NEMP2: variants seen among roughly 807,000 people sequenced by gnomAD.
NEMP2 encodes the protein nuclear envelope integral membrane protein 2.
NEMP2 carries 53 observed loss-of-function variants against 54.2 expected under a neutral mutation model. That is an observed-to-expected ratio of 0.98 (90% confidence interval 0.78 to 1.23). The LOEUF is 1.23. Ranked by LOEUF, NEMP2 falls within the 50% of genes most tolerant of loss-of-function variation. The pLI, the probability that NEMP2 is intolerant of heterozygous loss-of-function variation, is 0.00. For synonymous variants in NEMP2, 197 were observed against 190.3 expected, an observed-to-expected ratio of 1.04 and a Z score of -0.29; for missense variants, 455 against 511.3, an observed-to-expected ratio of 0.89 and a Z score of 1.06.
chr2:190,468,797 A>G, the NEMP2 span, among the ~76,000 whole-genome samples: 2 of 152,078 alleles, frequency 1.3e-5, no homozygotes, highest in African/African-American at 2.4e-5. Flanking sequence ...TTAGGAAAAT[A>G]CCACTGATTA....
chr2:190,464,926 G>A, the NEMP2 span: 1 of 983,046 alleles, frequency 1.0e-6, no homozygotes, highest in Non-Finnish European at 1.2e-6. Context: ...GGGGAGGGTG[G>A]ATTTAGCCAT....
downstream of NEMP2, among the ~76,000 whole-genome samples, chr2:190,503,118 A>C (rs996798463): frequency 6.6e-6 from 1 of 152,208 alleles, no homozygotes; most frequent in Non-Finnish European, 1.5e-5. The surrounding 1 kb of genome is among the most constrained non-coding windows in gnomAD (Gnocchi z 6.3). Flanking sequence ...GGATTTCTAG[A>C]TATTCCTAGA....
At chr2:190,593,418 C>T in the NEMP2 span, among the ~76,000 whole-genome samples, 1 of 152,194 alleles carries the variant, frequency 6.6e-6, no homozygotes, top group African/African-American at 2.4e-5. The surrounding 1 kb of genome is among the most constrained non-coding windows in gnomAD (Gnocchi z 4.5). Flanking sequence ...TCTTCTTCAC[C>T]ATGCCCCAGG....
chr2:190,476,619 A>G, the NEMP2 span, among the ~76,000 whole-genome samples: 1 of 152,112 alleles, frequency 6.6e-6, no homozygotes, highest in African/African-American at 2.4e-5. Flanking sequence ...CTGTAAACTA[A>G]TTCAACCATT....
the NEMP2 span, among the ~76,000 whole-genome samples, chr2:190,563,086 C>T: frequency 6.6e-6 from 1 of 152,212 alleles, no homozygotes; most frequent in Admixed American, 6.5e-5. This position sits in a 1 kb window ranked among gnomAD's most constrained non-coding sequence, Gnocchi z 4.3. Context: ...CTTTGCTCTT[C>T]CTCTTCTGAC....
rs1690998561 is a variant in NEMP2 at position 190,527,880 on chromosome 2, T to G, written c.98-2502A>C. On this transcript the variant is annotated intron_variant, in intron 1 of 8. Transcript: ENST00000409150. This position sits in a 1 kb window ranked among gnomAD's most constrained non-coding sequence, Gnocchi z 4.0. ...TGATAATCTAACTAATGCCTGATGA[T>G]CTGAGGTGGAACAGTTTCATCCCAA... 6.6e-6 allele frequency among the ~76,000 whole-genome samples: 1 copy of G among 152,090 alleles called. No homozygotes were observed. Among genetic ancestry groups the G allele is most frequent in the African/African-American group, 2.4e-5 (1 of 41,396 alleles).
In NEMP2 at chr2:190,506,608, G is replaced by C. The variant is rs895634485; in HGVS notation, c.*2581C>G. ...GACATTCCCCTGTAATTCAGCCCTAGGTATTACTGGCAAACCATACAACTA... is the reference window on the plus strand; with the variant it reads ...GACATTCCCCTGTAATTCAGCCCTACGTATTACTGGCAAACCATACAACTA... On this transcript the variant is annotated 3_prime_UTR_variant, in exon 9 of 9. Transcript: ENST00000409150. The surrounding 1 kb of genome is among the most constrained non-coding windows in gnomAD (Gnocchi z 6.3). 3 of 152,092 alleles carry C rather than the reference G, an allele frequency of 2.0e-5. No homozygotes were observed. The highest frequency in any genetic ancestry group is 4.4e-5 in the Non-Finnish European group (3 of 68,022). The allele number at this position is 152,092 out of a possible 1,614,324, so 9.4% of individuals were successfully genotyped here. A position where few individuals can be genotyped will look rare whatever the true frequency, so the allele number is the denominator to read the frequency against.
At chr2:190,553,602 T>C in the NEMP2 span, 1 of 152,206 alleles carries the variant, frequency 6.6e-6, no homozygotes, top group Non-Finnish European at 1.5e-5. Context: ...AACATCCACT[T>C]CAGCAGAGAG....
the NEMP2 span, among the ~76,000 whole-genome samples, chr2:190,640,087 G>A: frequency 8.6e-5 from 13 of 151,978 alleles, no homozygotes; most frequent in South Asian, 2.7e-3. Flanking sequence ...AGGTTGTTTT[G>A]CTCTGTTCTA....
the NEMP2 span, among the ~76,000 whole-genome samples, chr2:190,447,904 C>T: frequency 6.6e-6 from 1 of 152,130 alleles, no homozygotes; most frequent in Non-Finnish European, 1.5e-5. This position sits in a 1 kb window ranked among gnomAD's most constrained non-coding sequence, Gnocchi z 4.5. Flanking sequence ...AATATAGCTA[C>T]CAGGCTGACT....
At chr2:190,571,894 G>T in the NEMP2 span, among the ~76,000 whole-genome samples, 3 of 151,958 alleles carry the variant, frequency 2.0e-5, no homozygotes, top group Admixed American at 6.5e-5. Context: ...TGTTGCCCCA[G>T]GGCTGCATAG....
the NEMP2 span, among the ~76,000 whole-genome samples, chr2:190,642,954 C>T: frequency 8.1e-5 from 12 of 148,868 alleles, 1 homozygote; most frequent in African/African-American, 2.5e-4. This position sits in a 1 kb window ranked among gnomAD's most constrained non-coding sequence, Gnocchi z 4.1. Context: ...AAAATCACTA[C>T]CAACTTCTTA....
the NEMP2 span, among the ~76,000 whole-genome samples, chr2:190,560,942 A>G: frequency 1.3e-5 from 2 of 152,262 alleles, no homozygotes. The surrounding 1 kb of genome is among the most constrained non-coding windows in gnomAD (Gnocchi z 5.4). Flanking sequence ...AGATTAGTAT[A>G]TCTAACATCA....
the NEMP2 span, among the ~76,000 whole-genome samples, chr2:190,475,046 G>A: frequency 6.6e-6 from 1 of 152,108 alleles, no homozygotes; most frequent in East Asian, 1.9e-4. Flanking sequence ...AATAAATTAG[G>A]TATTGATGGG....
At chr2:190,502,475 CAA>C (rs1306851594), downstream of NEMP2, among the ~76,000 whole-genome samples, 6 of 151,710 alleles carry the variant, frequency 4.0e-5, no homozygotes, top group Non-Finnish European at 7.4e-5. The surrounding 1 kb of genome is among the most constrained non-coding windows in gnomAD (Gnocchi z 4.4). Flanking sequence ...TGTGTGGATC[CAA>C]AGTGGTTAAC....
At chr2:190,540,229 G>A in the NEMP2 span, among the ~76,000 whole-genome samples, 1 of 151,770 alleles carries the variant, frequency 6.6e-6, no homozygotes, top group Non-Finnish European at 1.5e-5. Flanking sequence ...TCATTGATTT[G>A]CATATGTCGA....
At chr2:190,517,972 G>T (rs1485086475) in intron 4 of NEMP2, among the ~76,000 whole-genome samples, 2 of 152,186 alleles carry the variant, frequency 1.3e-5, no homozygotes, top group African/African-American at 4.8e-5. Flanking sequence ...CTCAGTGGAG[G>T]ATTTGGGATT....
At chr2:190,461,695 T>A in the NEMP2 span, among the ~76,000 whole-genome samples, 1 of 152,134 alleles carries the variant, frequency 6.6e-6, no homozygotes, top group African/African-American at 2.4e-5. The surrounding 1 kb of genome is among the most constrained non-coding windows in gnomAD (Gnocchi z 5.5). Context: ...CACACCTCTT[T>A]TACCCACTCA....
downstream of NEMP2, among the ~76,000 whole-genome samples, chr2:190,504,094 G>A (rs900288989): frequency 6.6e-6 from 1 of 152,118 alleles, no homozygotes; most frequent in Non-Finnish European, 1.5e-5. This position sits in a 1 kb window ranked among gnomAD's most constrained non-coding sequence, Gnocchi z 5.6. Flanking sequence ...AGGAGTGTGC[G>A]CCCTGGAGTC....
Sources: gnomAD v4.1 joint callset for allele counts (sites outside exome capture counted in the v4.1 genomes callset) on GRCh38, gnomAD v4.1.1 for gene constraint, Gnocchi (gnomAD v3.1) non-coding constraint, MANE v1.5 for transcripts, NCBI Gene and HGNC (gene_info 2026-07-23, HGNC 2026-07-21) for gene names.